The following PRCP variants were observed in gnomAD, a reference collection of about 807,000 sequenced individuals.
PRCP encodes lysosomal Pro-X carboxypeptidase.
A neutral mutation model predicts 54.2 loss-of-function variants in PRCP; 46 were observed. That is an observed-to-expected ratio of 0.85 (90% CI 0.67 to 1.09). The LOEUF (loss-of-function observed/expected upper bound fraction) is 1.09. PRCP is among the 50% of genes least tolerant of loss of function. The pLI, the probability that PRCP is intolerant of heterozygous loss-of-function variation, is 0.00. For synonymous variants in PRCP, 240 were observed against 212.2 expected (o/e 1.13, Z -1.14); for missense variants, 613 against 596.8 (o/e 1.03, Z -0.28).
intron 1 of PRCP, among the ~76,000 whole-genome samples, chr11:82,870,130 T>C (rs190878480): frequency 3.9e-4 from 59 of 152,374 alleles, no homozygotes; most frequent in African/African-American, 1.4e-3. Flanking sequence ...TTTAAAGTCA[T>C]GGCTGTCAGC....
intron 1 of PRCP, among the ~76,000 whole-genome samples, chr11:82,867,184 G>A (rs1859358369): frequency 2.0e-5 from 3 of 152,014 alleles, no homozygotes; most frequent in Admixed American, 1.3e-4. Context: ...ATTCAATAAT[G>A]GTATAAATAA....
At chr11:82,839,722 C>T (rs1230462673) in intron 6 of PRCP, 6 of 340,834 alleles carry the variant, frequency 1.8e-5, no homozygotes, top group African/African-American at 1.3e-4. Flanking sequence ...AAAACCATTC[C>T]CCACCACACC....
At chr11:82,851,671 TGAAGTACATCTTTACTA>T (rs60670368) in intron 3 of PRCP, among the ~76,000 whole-genome samples, 64 of 152,172 alleles carry the variant, frequency 4.2e-4, no homozygotes, top group African/African-American at 1.5e-3. Flanking sequence ...CCATAAGGTT[TGAAGTACATCTTTACTA>T]GACAACGAAT....
intron 8 of PRCP, chr11:82,826,256 A>G (rs200057561): frequency 6.6e-6 from 1 of 152,228 alleles, no homozygotes; most frequent in East Asian, 1.9e-4. Flanking sequence ...TCTTTCACTC[A>G]GCGTAATGTT....
rs901401829 is a variant in PRCP at position 82,824,061 on chromosome 11, T to C, written c.*845A>G. 6.6e-6 allele frequency: 1 copy of C among 152,212 alleles called. No individual in the cohort carries two copies. Among genetic ancestry groups the C allele is most frequent in the African/African-American group, 2.4e-5 (1 of 41,454 alleles). 9.4% of individuals were successfully genotyped at this position (152,212 alleles called of 1,614,324 possible). A position where few individuals can be genotyped will look rare whatever the true frequency, so the allele number is the denominator to read the frequency against. The stretch of plus-strand genomic sequence containing the variant: ...GATTCATCAATTTTTAAAGGCTTCT[T>C]ACTGAAATATAATTAGTGACTACAG... On this transcript the variant is annotated 3_prime_UTR_variant, in exon 9 of 9. Transcript: ENST00000313010.
chr11:82,839,507 G>A, intron 6 of PRCP, 82 bp from the exon 7 acceptor site: 1 of 1,396,968 alleles, frequency 7.2e-7, no homozygotes, highest in Non-Finnish European at 9.9e-7. Context: ...GAAGAAATAT[G>A]ATTTTGATCT....
rs142034721 is a variant in PRCP at position 82,841,263 on chromosome 11, CGGG to C, written c.922-1841_922-1839del. On this transcript the variant is annotated intron_variant, in intron 6 of 8. Coordinates refer to ENST00000313010, the MANE Select transcript of PRCP (RefSeq NM_005040.4). ...AGTTCTGCCTGGCACCAGCTGCCAG[CGGG>C]GGAAAAAAAAAAAAAGGAAAACTGT... is the stretch of plus-strand genomic sequence containing the variant. 3.1e-3 allele frequency among the ~76,000 whole-genome samples: 338 copies of C among 110,234 alleles called. 5 individuals carry two copies. Among genetic ancestry groups the C allele is most frequent in the African/African-American group, 4.1e-3 (110 of 26,570 alleles). The allele number at this position is 110,234 out of a possible 152,430, so 72.3% of individuals were successfully genotyped here.
intron 8 of PRCP, chr11:82,830,645 A>C (rs1168005547): frequency 6.6e-6 from 1 of 150,614 alleles, no homozygotes; most frequent in Non-Finnish European, 1.5e-5. Context: ...AAAAAAAAAA[A>C]AAAAAAAAAA....
At chr11:82,870,585 G>A (rs986001509) in intron 1 of PRCP, among the ~76,000 whole-genome samples, 1 of 152,166 alleles carries the variant, frequency 6.6e-6, no homozygotes, top group African/African-American at 2.4e-5. Flanking sequence ...ATGAAGTAAA[G>A]GGACAAAGTA....
intron 1 of PRCP, among the ~76,000 whole-genome samples, chr11:82,879,294 A>T (rs1181771035): frequency 1.3e-5 from 2 of 152,184 alleles, no homozygotes; most frequent in Admixed American, 1.3e-4. Flanking sequence ...TCAATCACTG[A>T]TACCCTTTCT....
chr11:82,884,432 C>A (rs1396930353), intron 1 of PRCP, among the ~76,000 whole-genome samples: 1 of 152,032 alleles, frequency 6.6e-6, no homozygotes, highest in South Asian at 2.1e-4. Flanking sequence ...AATGGTCATA[C>A]CTGTAGTCAA....
chr11:82,860,186 T>A, intron 1 of PRCP, 69 bp from the exon 2 acceptor site: 1 of 1,112,668 alleles, frequency 9.0e-7, no homozygotes, highest in Non-Finnish European at 1.2e-6. Context: ...TAAAGGTAAT[T>A]AATTCTTCCA....
chr11:82,845,265 A>G (rs1858780207), intron 6 of PRCP, among the ~76,000 whole-genome samples: 2 of 152,186 alleles, frequency 1.3e-5, no homozygotes, highest in African/African-American at 4.8e-5. Flanking sequence ...TGCACCAGAC[A>G]AAGTAAAGAT....
chr11:82,829,178 C>T (rs967032129), intron 8 of PRCP: 3 of 152,208 alleles, frequency 2.0e-5, no homozygotes, highest in Non-Finnish European at 4.4e-5. Context: ...CAACTTGATC[C>T]TGTTAAAACC....
intron 8 of PRCP, among the ~76,000 whole-genome samples, chr11:82,834,446 C>A (rs1243911919): frequency 6.6e-6 from 1 of 152,168 alleles, no homozygotes; most frequent in Non-Finnish European, 1.5e-5. Context: ...TTTGAAGAAT[C>A]CTGTTGAGAA....
intron 3 of PRCP, among the ~76,000 whole-genome samples, chr11:82,850,989 GC>G (rs1485242703): frequency 6.6e-6 from 1 of 151,908 alleles, no homozygotes; most frequent in Admixed American, 6.6e-5. Flanking sequence ...AAAGTAGCCT[GC>G]CTATTTTAAA....
chr11:82,893,252 GAGCAC>G (rs1328569263), intron 1 of PRCP, among the ~76,000 whole-genome samples: 1 of 152,192 alleles, frequency 6.6e-6, no homozygotes, highest in East Asian at 1.9e-4. Context: ...GTGAAAGCAG[GAGCAC>G]AGCCCCCTGC....
chr11:82,843,516 G>A (rs931322348), intron 6 of PRCP, among the ~76,000 whole-genome samples: 1 of 152,074 alleles, frequency 6.6e-6, no homozygotes, highest in African/African-American at 2.4e-5. Context: ...TATTACTGAC[G>A]TGACAAAAGC....
intron 1 of PRCP, among the ~76,000 whole-genome samples, chr11:82,883,177 C>CA (rs1859791716): frequency 6.6e-6 from 1 of 152,108 alleles, no homozygotes; most frequent in African/African-American, 2.4e-5. Flanking sequence ...ATAAATAAAG[C>CA]AATGCGATCC....
Sources: allele counts gnomAD v4.1 joint callset (sites outside exome capture counted in the v4.1 genomes callset), GRCh38; gene constraint gnomAD v4.1.1; transcripts MANE v1.5; gene names NCBI Gene and HGNC (gene_info 2026-07-23, HGNC 2026-07-21).